The following TMEM131 variants were observed in gnomAD, a reference collection of about 807,000 sequenced individuals.
TMEM131 encodes transmembrane protein 131.
A neutral mutation model predicts 211.6 loss-of-function variants in TMEM131; 66 were observed. The observed-to-expected ratio is 0.31, with a 90% CI of 0.26 to 0.38. The LOEUF is 0.38. Among genes scored for constraint, TMEM131 ranks in the 10% least tolerant of loss-of-function variants. TMEM131 has a pLI of 1.00. For synonymous variants in TMEM131, 844 were observed against 841.3 expected (o/e 1.00, Z -0.06); for missense variants, 2,036 against 2,299.3 (o/e 0.89, Z 2.34).
intron 4 of TMEM131, among the ~76,000 whole-genome samples, chr2:97,862,495 G>A (rs1674110345): frequency 6.6e-6 from 1 of 151,814 alleles, no homozygotes; most frequent in South Asian, 2.1e-4. Context: ...ACATAGAGAA[G>A]GAATTAAGAA....
rs77913100 is a variant in TMEM131 at position 97,897,042 on chromosome 2, T to A, written c.291-8922A>T. On this transcript the variant is annotated intron_variant, in intron 3 of 40. Transcript: ENST00000186436. ...AGTTTTCAGTGTACAGGTCTCAACA[T>A]TTTTTTTGTTAAATTTATCCCAAAG... Among the ~76,000 whole-genome samples, 488 of 151,982 alleles carry A rather than the reference T, an allele frequency of 3.2e-3. 7 individuals are homozygous for A. In the East Asian group the frequency reaches 0.04, roughly 13 times the overall value.
intron 15 of TMEM131, 108 bp downstream of exon 15, chr2:97,813,863 C>T: frequency 2.3e-6 from 2 of 888,856 alleles, no homozygotes; most frequent in Non-Finnish European, 3.2e-6. Context: ...GATCAATTTG[C>T]AGAGCACAAA....
chr2:97,824,886 G>T (rs1052475743), intron 11 of TMEM131, among the ~76,000 whole-genome samples: 7 of 152,358 alleles, frequency 4.6e-5, no homozygotes, highest in Admixed American at 2.0e-4. Flanking sequence ...CGAATGGTCA[G>T]TGGAGATCTT....
chr2:97,897,871 C>T (rs1358415361), intron 3 of TMEM131, among the ~76,000 whole-genome samples: 1 of 152,120 alleles, frequency 6.6e-6, no homozygotes, highest in East Asian at 1.9e-4. Flanking sequence ...AGGTTTAAAA[C>T]TGTAAATTCT....
chr2:97,988,908 T>G (rs1211185537), intron 1 of TMEM131, among the ~76,000 whole-genome samples: 1 of 152,204 alleles, frequency 6.6e-6, no homozygotes, highest in Non-Finnish European at 1.5e-5. Flanking sequence ...CTCTTCTGGG[T>G]AGATATGCAA....
At chr2:97,953,173 A>G (rs1237145386) in intron 1 of TMEM131, among the ~76,000 whole-genome samples, 1 of 152,220 alleles carries the variant, frequency 6.6e-6, no homozygotes, top group African/African-American at 2.4e-5. Context: ...GACGGTTAAA[A>G]CAAACTTAAC....
intron 3 of TMEM131, among the ~76,000 whole-genome samples, chr2:97,900,407 G>A (rs1009128883): frequency 1.3e-5 from 2 of 151,898 alleles, no homozygotes; most frequent in African/African-American, 4.8e-5. Context: ...CCATTTAAGT[G>A]AGATCATGCA....
At chr2:97,892,586 C>T (rs1288079988) in intron 3 of TMEM131, among the ~76,000 whole-genome samples, 1 of 152,200 alleles carries the variant, frequency 6.6e-6, no homozygotes, top group South Asian at 2.1e-4. Flanking sequence ...TAGTTTCAAA[C>T]TCCTAGTCTC....
chr2:97,762,414 C>T (rs576140297), intron 35 of TMEM131: 28 of 485,766 alleles, frequency 5.8e-5, no homozygotes, highest in South Asian at 4.6e-4. Context: ...AGAGCGTGCC[C>T]GGTCCCTGCT....
At chr2:97,814,485 T>C (rs994359018) in intron 13 of TMEM131, 97 bp from the exon 14 acceptor site, 26 of 1,158,142 alleles carry the variant, frequency 2.2e-5, no homozygotes, top group Admixed American at 5.8e-5. Context: ...AATTTACATT[T>C]AGCATTAGGG....
chr2:97,974,613 A>G (rs1348605530), intron 1 of TMEM131, among the ~76,000 whole-genome samples: 2 of 152,068 alleles, frequency 1.3e-5, no homozygotes, highest in African/African-American at 2.4e-5. Flanking sequence ...AAAAAAAAAG[A>G]CATGTTATAT....
intron 5 of TMEM131, among the ~76,000 whole-genome samples, chr2:97,856,023 C>T (rs1673828956): frequency 6.6e-6 from 1 of 152,088 alleles, no homozygotes; most frequent in Non-Finnish European, 1.5e-5. Flanking sequence ...CAGACTGAAA[C>T]AAAGTTTGTC....
At chr2:97,767,123 TTAC>T (rs1359123586) in intron 33 of TMEM131, among the ~76,000 whole-genome samples, 1 of 152,230 alleles carries the variant, frequency 6.6e-6, no homozygotes, top group Non-Finnish European at 1.5e-5. Context: ...AAGTTCCTGG[TTAC>T]TACAGGGAGT....
At chr2:97,845,380 G>A (rs1683376798) in intron 5 of TMEM131, among the ~76,000 whole-genome samples, 1 of 152,120 alleles carries the variant, frequency 6.6e-6, no homozygotes, top group South Asian at 2.1e-4. Flanking sequence ...AGCCCTGGAA[G>A]CTGTAGACAC....
chr2:97,928,328 G>T (rs900886386), intron 1 of TMEM131, among the ~76,000 whole-genome samples: 15 of 149,028 alleles, frequency 1.0e-4, no homozygotes, highest in African/African-American at 3.6e-4. Flanking sequence ...ATCAGGGGGA[G>T]ATGGGAAAGG....
At position 97,802,040 on chromosome 2, in the gene TMEM131, T is replaced by C. The variant is rs1681060279; in HGVS notation, c.2652-79A>G. On this transcript the variant is annotated intron_variant, in intron 24 of 40. Coordinates refer to ENST00000186436, the MANE Select transcript of TMEM131 (RefSeq NM_015348.2). ...AGTTATGGAGTGATTATCAGGTGTGTGCTTTATTTTCAAATTATTGTCTGT... is the reference window on the plus strand; with the variant it reads ...AGTTATGGAGTGATTATCAGGTGTGCGCTTTATTTTCAAATTATTGTCTGT... 1.5e-5 allele frequency: 14 copies of C among 944,028 alleles called. No homozygotes were observed. The Middle Eastern group carries it at 8.8e-4, about 59-fold the overall frequency. 58.5% of individuals were successfully genotyped at this position (944,028 alleles called of 1,614,324 possible). A position where few individuals can be genotyped will look rare whatever the true frequency, so the allele number is the denominator to read the frequency against.
intron 7 of TMEM131, among the ~76,000 whole-genome samples, chr2:97,841,413 A>T (rs1261190878): frequency 6.6e-6 from 1 of 152,250 alleles, no homozygotes; most frequent in Non-Finnish European, 1.5e-5. Context: ...CTAGGTTGCC[A>T]TCACCAAAAA....
intron 1 of TMEM131, among the ~76,000 whole-genome samples, chr2:97,936,731 A>AT (rs1206689947): frequency 6.6e-6 from 1 of 152,220 alleles, no homozygotes; most frequent in East Asian, 1.9e-4. Flanking sequence ...GCCACCTTAT[A>AT]TGTTAGTTGT....
chr2:97,956,974 G>A (rs985954226), intron 1 of TMEM131, among the ~76,000 whole-genome samples: 3 of 151,952 alleles, frequency 2.0e-5, no homozygotes, highest in Admixed American at 2.0e-4. Flanking sequence ...GCATGTGCCT[G>A]TAGTCCCAGC....
Sources: allele counts gnomAD v4.1 joint callset (sites outside exome capture counted in the v4.1 genomes callset), GRCh38; gene constraint gnomAD v4.1.1; transcripts MANE v1.5; gene names NCBI Gene and HGNC (gene_info 2026-07-23, HGNC 2026-07-21).